Variants in PRELID2 observed in about 807,000 individuals in gnomAD.
The protein encoded by PRELID2 is PRELI domain containing 2.
Under a neutral mutation model 28.4 loss-of-function variants are expected in PRELID2, and 25 were observed. The observed-to-expected ratio is 0.88, with a 90% CI of 0.64 to 1.23. The LOEUF is 1.23. Ranked by LOEUF, PRELID2 falls within the 50% of genes most tolerant of loss-of-function variation. The pLI, the probability that PRELID2 is intolerant of heterozygous loss-of-function variation, is 0.00. For synonymous variants in PRELID2, 76 were observed against 71.6 expected (o/e 1.06, Z -0.31); for missense variants, 201 against 214.4 (o/e 0.94, Z 0.39).
chr5:145,677,979 A>G (rs543501938), intron 1 of PRELID2, among the ~76,000 whole-genome samples: 3 of 152,200 alleles, frequency 2.0e-5, no homozygotes, highest in Non-Finnish European at 4.4e-5. Flanking sequence ...ACATGGTTTT[A>G]TCTTTTCTTG....
intron 1 of PRELID2, among the ~76,000 whole-genome samples, chr5:145,539,848 T>C (rs1054300659): frequency 2.6e-5 from 4 of 151,852 alleles, no homozygotes; most frequent in African/African-American, 9.7e-5. Context: ...GAAAAGAACA[T>C]TTTATAGTAT....
At chr5:145,337,326 A>G in the PRELID2 span, among the ~76,000 whole-genome samples, 2 of 151,992 alleles carry the variant, frequency 1.3e-5, no homozygotes, top group Non-Finnish European at 2.9e-5. Flanking sequence ...AGACTAACCA[A>G]GAAAAAAAGA....
chr5:145,690,037 T>C (rs1755115439), intron 1 of PRELID2, among the ~76,000 whole-genome samples: 1 of 148,770 alleles, frequency 6.7e-6, no homozygotes, highest in Non-Finnish European at 1.5e-5. Flanking sequence ...TGGCCCAGGC[T>C]GGAGTGCAAT....
At chr5:145,282,308 T>A in the PRELID2 span, among the ~76,000 whole-genome samples, 16 of 152,324 alleles carry the variant, frequency 1.1e-4, no homozygotes, top group South Asian at 3.1e-3. Flanking sequence ...TTATCATTAT[T>A]GTGCCTAACC....
At chr5:145,742,400 A>C (rs1342194131) in intron 1 of PRELID2, among the ~76,000 whole-genome samples, 1 of 146,888 alleles carries the variant, frequency 6.8e-6, no homozygotes, top group Non-Finnish European at 1.5e-5. Context: ...AATAGTACAG[A>C]GTTTTTTCTA....
At chr5:145,806,823 C>T (rs1753548229) in intron 4 of PRELID2, among the ~76,000 whole-genome samples, 1 of 152,122 alleles carries the variant, frequency 6.6e-6, no homozygotes, top group Admixed American at 6.5e-5. Context: ...TATCTCTCTC[C>T]CGCCACCTTG....
the PRELID2 span, among the ~76,000 whole-genome samples, chr5:145,283,051 T>A: frequency 1.1e-4 from 16 of 152,190 alleles, no homozygotes; most frequent in African/African-American, 3.9e-4. Context: ...TTTTTCTTGC[T>A]GCCTCTTAAG....
the PRELID2 span, among the ~76,000 whole-genome samples, chr5:145,438,542 G>A: frequency 5.9e-5 from 9 of 152,142 alleles, no homozygotes; most frequent in South Asian, 2.1e-4. Flanking sequence ...TGTCATCTCC[G>A]AATATAAACT....
intron 5 of PRELID2, among the ~76,000 whole-genome samples, chr5:145,775,940 T>G (rs1014531476): frequency 5.3e-5 from 8 of 152,018 alleles, no homozygotes; most frequent in Non-Finnish European, 1.0e-4. Flanking sequence ...AAAAGCTACA[T>G]ACAGGAAAGC....
the PRELID2 span, among the ~76,000 whole-genome samples, chr5:145,359,608 C>A: frequency 4.6e-5 from 7 of 152,168 alleles, no homozygotes; most frequent in Non-Finnish European, 1.0e-4. Context: ...TCCATTTGCT[C>A]CTCTACTATC....
the PRELID2 span, among the ~76,000 whole-genome samples, chr5:145,422,251 G>A: frequency 6.7e-5 from 10 of 149,286 alleles, no homozygotes; most frequent in African/African-American, 1.5e-4. Context: ...TATTAGGTCC[G>A]CTTGGTGCAG....
chr5:145,549,576 C>T (rs1024952628), intron 1 of PRELID2, among the ~76,000 whole-genome samples: 5 of 152,010 alleles, frequency 3.3e-5, no homozygotes, highest in Non-Finnish European at 5.9e-5. Context: ...GGACGGAGCA[C>T]GAGGTCAGGA....
intron 1 of PRELID2, among the ~76,000 whole-genome samples, chr5:145,611,331 T>C (rs1753613871): frequency 6.6e-6 from 1 of 152,106 alleles, no homozygotes. Context: ...GACTGGCTAA[T>C]TTTTGTATTT....
At chr5:145,807,518 A>G (rs1291059001) in intron 4 of PRELID2, among the ~76,000 whole-genome samples, 1 of 152,028 alleles carries the variant, frequency 6.6e-6, no homozygotes, top group African/African-American at 2.4e-5. Flanking sequence ...GAGGGAGCTC[A>G]GGCCAGCTTT....
chr5:145,290,310 T>C, the PRELID2 span, among the ~76,000 whole-genome samples: 59 of 152,276 alleles, frequency 3.9e-4, no homozygotes, highest in African/African-American at 1.3e-3. Context: ...CGTATGTTTA[T>C]TGCAGCACTA....
rs559162158 is a variant in PRELID2 at position 145,758,279 on chromosome 5, C to T, written c.*2257G>A. Among the ~76,000 whole-genome samples, 4 of 152,056 alleles carry T rather than the reference C, an allele frequency of 2.6e-5. No individual in the cohort carries two copies. The highest frequency in any genetic ancestry group is 5.9e-5 in the Non-Finnish European group (4 of 68,014). ...CGGGCACACAAGGCAGAAATTCAAC[C>T]TCTCTGTGCCTTGGTCTATTTCTAA... On this transcript the variant is annotated 3_prime_UTR_variant, in exon 7 of 7. Coordinates refer to ENST00000683046, the MANE Select transcript of PRELID2 (RefSeq NM_205846.3).
chr5:145,483,498 A>G (rs1752185390), intron 1 of PRELID2, among the ~76,000 whole-genome samples: 1 of 152,220 alleles, frequency 6.6e-6, no homozygotes, highest in Admixed American at 6.5e-5. Flanking sequence ...CAGAAGAGCC[A>G]TCCAATCAAT....
intron 6 of PRELID2, 120 bp downstream of exon 6, chr5:145,764,811 T>C (rs1202027411): frequency 2.9e-6 from 2 of 699,928 alleles, no homozygotes; most frequent in Non-Finnish European, 5.1e-6. Context: ...TAGTATTCTG[T>C]GCATATAACT....
In PRELID2 at chr5:145,802,343, T is replaced by G. The variant is rs10064503; in HGVS notation, c.369-5796A>C. 5.7e-3 allele frequency among the ~76,000 whole-genome samples: 862 copies of G among 152,308 alleles called. 8 individuals carry two copies. Among genetic ancestry groups the G allele is most frequent in the African/African-American group, 0.02 (823 of 41,576 alleles). On this transcript the variant is annotated intron_variant, in intron 4 of 6. Coordinates refer to ENST00000683046, the MANE Select transcript of PRELID2 (RefSeq NM_205846.3). ...CCTGGGCCATAGCACATGCACAGTT[T>G]CAACTTTAACAGATCAGGCCAAATG...
Sources: gnomAD v4.1 joint callset for allele counts (sites outside exome capture counted in the v4.1 genomes callset) on GRCh38, gnomAD v4.1.1 for gene constraint, MANE v1.5 for transcripts, NCBI Gene and HGNC (gene_info 2026-07-23, HGNC 2026-07-21) for gene names.